Variants in ENTREP2 observed in about 807,000 individuals in gnomAD.
ENTREP2 encodes the protein endosomal transmembrane epsin interactor 2.
At chr15:29,634,667 C>T in the ENTREP2 span, among the ~76,000 whole-genome samples, 4 of 152,202 alleles carry the variant, frequency 2.6e-5, no homozygotes, top group African/African-American at 9.7e-5. Context: ...AGACTACCCC[C>T]CTTCCCAGCC....
chr15:29,329,855 C>T, the ENTREP2 span, among the ~76,000 whole-genome samples: 59 of 152,056 alleles, frequency 3.9e-4, no homozygotes, highest in Non-Finnish European at 4.1e-4. Flanking sequence ...TGATTGAACA[C>T]ACAAGTAAAT....
the ENTREP2 span, among the ~76,000 whole-genome samples, chr15:29,403,637 C>T: frequency 1.3e-5 from 2 of 152,172 alleles, no homozygotes; most frequent in Non-Finnish European, 2.9e-5. Flanking sequence ...TGAATAAAGG[C>T]CACTGTACTA....
the ENTREP2 span, among the ~76,000 whole-genome samples, chr15:29,626,911 A>G: frequency 2.6e-5 from 4 of 152,104 alleles, no homozygotes; most frequent in Admixed American, 1.3e-4. Context: ...ATAAAAATAA[A>G]CTGTCTTTAT....
At chr15:29,646,960 G>A in the ENTREP2 span, among the ~76,000 whole-genome samples, 1 of 152,120 alleles carries the variant, frequency 6.6e-6, no homozygotes, top group Non-Finnish European at 1.5e-5. Flanking sequence ...CACCATATGA[G>A]GACCAACAGA....
At chr15:29,272,859 AAACCCT>A in the ENTREP2 span, among the ~76,000 whole-genome samples, 51 of 152,296 alleles carry the variant, frequency 3.3e-4, no homozygotes, top group Admixed American at 3.3e-3. Flanking sequence ...GAGGACATGA[AAACCCT>A]GACTGCATGT....
the ENTREP2 span, among the ~76,000 whole-genome samples, chr15:29,615,460 C>T: frequency 1.9e-3 from 291 of 152,222 alleles, 8 homozygotes; most frequent in Middle Eastern, 0.017. Flanking sequence ...GGCCCCCTCT[C>T]ACATTTTGGA....
At chr15:29,560,793 G>A in the ENTREP2 span, among the ~76,000 whole-genome samples, 1 of 151,756 alleles carries the variant, frequency 6.6e-6, no homozygotes, top group Non-Finnish European at 1.5e-5. Flanking sequence ...ACAGCAACAT[G>A]GAAATTAGCA....
At chr15:29,619,887 A>G in the ENTREP2 span, among the ~76,000 whole-genome samples, 1 of 151,908 alleles carries the variant, frequency 6.6e-6, no homozygotes, top group Non-Finnish European at 1.5e-5. Flanking sequence ...GGCCTCTGTG[A>G]GCCCTGTCCT....
the ENTREP2 span, among the ~76,000 whole-genome samples, chr15:29,333,141 A>C: frequency 6.6e-6 from 1 of 152,114 alleles, no homozygotes; most frequent in Non-Finnish European, 1.5e-5. Flanking sequence ...GACCCACTGG[A>C]GGTCACATAG....
chr15:29,282,014 T>C, the ENTREP2 span, among the ~76,000 whole-genome samples: 2 of 152,162 alleles, frequency 1.3e-5, no homozygotes, highest in Non-Finnish European at 2.9e-5. Flanking sequence ...GTCTATGGTT[T>C]GCCCAGATAA....
At chr15:29,461,535 G>A in the ENTREP2 span, among the ~76,000 whole-genome samples, 1 of 152,036 alleles carries the variant, frequency 6.6e-6, no homozygotes, top group South Asian at 2.1e-4. Flanking sequence ...AGGCTAGAGA[G>A]CAGTGGTGCG....
the ENTREP2 span, among the ~76,000 whole-genome samples, chr15:29,562,575 T>C: frequency 6.6e-6 from 1 of 152,366 alleles, no homozygotes; most frequent in South Asian, 2.1e-4. Flanking sequence ...GGTTCTGTTC[T>C]GTAACTTTTC....
the ENTREP2 span, among the ~76,000 whole-genome samples, chr15:29,325,878 G>T: frequency 6.6e-6 from 1 of 152,080 alleles, no homozygotes; most frequent in East Asian, 1.9e-4. Context: ...TGTATGAAAA[G>T]AATTATATAC....
chr15:29,415,864 A>C, the ENTREP2 span, among the ~76,000 whole-genome samples: 5 of 152,302 alleles, frequency 3.3e-5, no homozygotes, highest in Admixed American at 2.0e-4. Flanking sequence ...TAACAGACAG[A>C]CAGCCAAATC....
the ENTREP2 span, among the ~76,000 whole-genome samples, chr15:29,660,578 T>C: frequency 1.3e-3 from 195 of 152,362 alleles, 1 homozygote; most frequent in African/African-American, 4.4e-3. Context: ...TTTCGAACCA[T>C]GTGACTATAT....
At chr15:29,172,058 G>A in the ENTREP2 span, among the ~76,000 whole-genome samples, 2 of 152,098 alleles carry the variant, frequency 1.3e-5, no homozygotes, top group East Asian at 3.9e-4. Flanking sequence ...GTATTAGAGT[G>A]TTTTCACTCA....
At chr15:29,652,363 C>T in the ENTREP2 span, among the ~76,000 whole-genome samples, 2 of 152,236 alleles carry the variant, frequency 1.3e-5, no homozygotes, top group South Asian at 4.1e-4. Flanking sequence ...CTCAGTAAAG[C>T]TCCTCTTCAT....
At chr15:29,449,437 A>C in the ENTREP2 span, among the ~76,000 whole-genome samples, 3 of 152,208 alleles carry the variant, frequency 2.0e-5, no homozygotes, top group Non-Finnish European at 2.9e-5. Context: ...GACAGGAAGA[A>C]GAAGGAGCTT....
chr15:29,225,109 G>A, the ENTREP2 span, among the ~76,000 whole-genome samples: 3 of 152,046 alleles, frequency 2.0e-5, no homozygotes, highest in East Asian at 1.9e-4. Flanking sequence ...GCACAGCCCC[G>A]GTTCCTGCTC....
Sources: allele counts gnomAD v4.1 joint callset (sites outside exome capture counted in the v4.1 genomes callset), GRCh38; gene constraint gnomAD v4.1.1; transcripts MANE v1.5; gene names NCBI Gene and HGNC (gene_info 2026-07-23, HGNC 2026-07-21).